Variants in PTPN13 observed in about 807,000 individuals in gnomAD.
PTPN13 encodes the protein protein tyrosine phosphatase non-receptor type 13, also known as tyrosine-protein phosphatase non-receptor type 13.
PTPN13 carries 191 observed loss-of-function variants against 284.0 expected under a neutral mutation model. That is an observed-to-expected ratio of 0.67 (90% CI 0.60 to 0.76). The LOEUF is 0.76. PTPN13 is among the 30% of genes least tolerant of loss of function. The probability of loss-of-function intolerance (pLI) is 0.00; values close to 1 mark genes in which losing one functional copy is unlikely to be tolerated. For synonymous variants in PTPN13, 986 were observed against 1,022.3 expected, an observed-to-expected ratio of 0.96 and a Z score of 0.68; for missense variants, 2,797 against 2,939.9, an observed-to-expected ratio of 0.95 and a Z score of 1.12.
In PTPN13 at chr4:86,635,389, C is replaced by A. The variant is rs1320425251; in HGVS notation, c.115+18C>A. 8 of 1,572,206 alleles carry A rather than the reference C, an allele frequency of 5.1e-6. No homozygotes were observed. Among genetic ancestry groups the A allele is most frequent in the Non-Finnish European group, 6.0e-6 (7 of 1,158,348 alleles). Reference sequence around the variant, plus strand: ...CAGAAAAGGTAAGCTGCTGCTGCTGCTGCTGTTGTTGTTGTTGTTTCAGTA... The same window carrying A: ...CAGAAAAGGTAAGCTGCTGCTGCTGATGCTGTTGTTGTTGTTGTTTCAGTA... On this transcript the variant is annotated intron_variant, in intron 2 of 47. Transcript: ENST00000411767.
chr4:86,783,513 T>A (rs981621372), intron 37 of PTPN13, among the ~76,000 whole-genome samples: 5 of 152,100 alleles, frequency 3.3e-5, no homozygotes, highest in Non-Finnish European at 7.4e-5. Context: ...GCTGCCAGCA[T>A]TTTTTGGTTG....
rs754205222 is a variant in PTPN13, at chr4:86,810,962, A to G, written c.7300-84A>G. On this transcript the variant is annotated intron_variant, in intron 46 of 47. Coordinates refer to ENST00000411767, the MANE Select transcript of PTPN13 (RefSeq NM_080683.3). ...GAAGAAGAGTGGGATACAGAATTTT[A>G]CATAAGCCTCCCCTCTGTGATCCTT... 2.0e-4 allele frequency: 273 copies of G among 1,335,190 alleles called. 1 individual carries two copies. Among genetic ancestry groups the G allele is most frequent in the Admixed American group, 4.0e-5 (2 of 50,104 alleles). The allele number at this position is 1,335,190 out of a possible 1,614,324, so 82.7% of individuals were successfully genotyped here. A position where few individuals can be genotyped will look rare whatever the true frequency, so the allele number is the denominator to read the frequency against.
chr4:86,668,194 T>G (rs1727305259), intron 2 of PTPN13, among the ~76,000 whole-genome samples: 1 of 152,208 alleles, frequency 6.6e-6, no homozygotes, highest in African/African-American at 2.4e-5. Flanking sequence ...ATAGCATTCT[T>G]GAATGCAGTC....
At chr4:86,809,697 G>C in intron 45 of PTPN13, 72 bp from the exon 46 acceptor site, 1 of 1,417,394 alleles carries the variant, frequency 7.1e-7, no homozygotes, top group Non-Finnish European at 9.9e-7. Context: ...TCTCAAGAAA[G>C]AAAAAAAAGA....
At position 86,734,325 on chromosome 4, in the gene PTPN13, T is replaced by C; in HGVS notation, c.1881T>C (p.Asp627=). ...TLKDNEYFFV[D]PDLKLTKVAP... The stretch of plus-strand genomic sequence containing the variant: ...TAGATAATGAATATTTCTTTGTTGA[T>C]CCTGACTTAAAATTAACCAAAGTGG... The change falls in exon 13 of 48, where the codon GAT becomes GAC. Residue 627 remains aspartate, a synonymous_variant. Coordinates refer to ENST00000411767, the MANE Select transcript of PTPN13 (RefSeq NM_080683.3). 2 of 1,528,544 alleles carry C rather than the reference T, an allele frequency of 1.3e-6. No individual in the cohort carries two copies. Among genetic ancestry groups the C allele is most frequent in the Non-Finnish European group, 1.8e-6 (2 of 1,132,880 alleles). 94.7% of individuals were successfully genotyped at this position (1,528,544 alleles called of 1,614,324 possible). A position where few individuals can be genotyped will look rare whatever the true frequency, so the allele number is the denominator to read the frequency against.
intron 2 of PTPN13, among the ~76,000 whole-genome samples, chr4:86,644,131 A>ATTTTTTTTTTTTTTTT (rs869139484): frequency 6.8e-6 from 1 of 146,074 alleles, no homozygotes. Context: ...AAGATGATTG[A>ATTTTTTTTTTTTTTTT]TTTTTTTTTT....
chr4:86,597,144 A>G (rs1053754396), intron 1 of PTPN13, among the ~76,000 whole-genome samples: 1 of 151,358 alleles, frequency 6.6e-6, no homozygotes, highest in African/African-American at 2.4e-5. Context: ...GGAAATGACG[A>G]GAATCTTTTG....
At chr4:86,640,828 A>G (rs186238223) in intron 2 of PTPN13, among the ~76,000 whole-genome samples, 44 of 152,330 alleles carry the variant, frequency 2.9e-4, no homozygotes, top group African/African-American at 1.0e-3. Flanking sequence ...AAGACTTACC[A>G]GATGTATTAT....
At chr4:86,649,361 G>T (rs1432810453) in intron 2 of PTPN13, among the ~76,000 whole-genome samples, 1 of 152,114 alleles carries the variant, frequency 6.6e-6, no homozygotes, top group African/African-American at 2.4e-5. Context: ...ATTGTTCCAG[G>T]TCTTAGATTT....
intron 17 of PTPN13, 82 bp from the exon 18 acceptor site, chr4:86,750,388 T>C: frequency 7.9e-7 from 1 of 1,273,142 alleles, no homozygotes. Context: ...AAAAACTGCA[T>C]GCTGCTTATT....
At position 86,717,786 on chromosome 4, in the gene PTPN13, A is replaced by C. The variant is rs577819930; in HGVS notation, c.1385+669A>C. 2.6e-4 allele frequency among the ~76,000 whole-genome samples: 40 copies of C among 152,340 alleles called. 1 individual carries two copies. In the South Asian group the frequency reaches 8.3e-3, roughly 32 times the overall value. ...TTGAAAGGTTGGAATAGTCTCAGCC[A>C]GCAAGCTTTCAGTGAGTATTTATTT... On this transcript the variant is annotated intron_variant, in intron 9 of 47. Transcript: ENST00000411767.
At chr4:86,778,030 A>G (rs1740853180) in intron 35 of PTPN13, among the ~76,000 whole-genome samples, 1 of 152,140 alleles carries the variant, frequency 6.6e-6, no homozygotes, top group Admixed American at 6.5e-5. Flanking sequence ...TTCTGCTTTT[A>G]TCTTAGCTGT....
chr4:86,638,214 G>A (rs966440544), intron 2 of PTPN13, among the ~76,000 whole-genome samples: 4 of 152,174 alleles, frequency 2.6e-5, no homozygotes, highest in Non-Finnish European at 2.9e-5. Context: ...CCATGCTCAT[G>A]GGTAGGAAGA....
intron 2 of PTPN13, among the ~76,000 whole-genome samples, chr4:86,668,487 G>A (rs541236820): frequency 3.9e-5 from 6 of 152,070 alleles, no homozygotes; most frequent in Admixed American, 6.6e-5. Flanking sequence ...GTGTGTTTAC[G>A]GAATTTGACA....
At chr4:86,629,284 G>T (rs964285755) in intron 1 of PTPN13, among the ~76,000 whole-genome samples, 1 of 145,616 alleles carries the variant, frequency 6.9e-6, no homozygotes. Context: ...AAAAGTGGGC[G>T]AAGGACATGA....
intron 3 of PTPN13, among the ~76,000 whole-genome samples, chr4:86,674,608 A>G (rs573810678): frequency 3.2e-4 from 49 of 152,220 alleles, no homozygotes; most frequent in Non-Finnish European, 6.2e-4. Context: ...TCCATGAGCT[A>G]CTTAAGAATT....
intron 2 of PTPN13, chr4:86,661,051 G>A (rs1726429630): frequency 9.0e-6 from 4 of 446,614 alleles, no homozygotes; most frequent in South Asian, 4.8e-5. Flanking sequence ...TAATTGTACA[G>A]CCTGATTAAT....
At chr4:86,629,944 A>G (rs1005082868) in intron 1 of PTPN13, among the ~76,000 whole-genome samples, 3 of 151,914 alleles carry the variant, frequency 2.0e-5, no homozygotes, top group East Asian at 1.9e-4. Context: ...AAGCATTATT[A>G]TATATAGAGA....
At chr4:86,641,926 A>G (rs1453341934) in intron 2 of PTPN13, among the ~76,000 whole-genome samples, 1 of 152,160 alleles carries the variant, frequency 6.6e-6, no homozygotes, top group Admixed American at 6.6e-5. Context: ...TTTAAACTTT[A>G]TTAGTCTGTA....
Sources: gnomAD v4.1 joint callset for allele counts (sites outside exome capture counted in the v4.1 genomes callset) on GRCh38, gnomAD v4.1.1 for gene constraint, MANE v1.5 for transcripts, NCBI Gene and HGNC (gene_info 2026-07-23, HGNC 2026-07-21) for gene names.